SH3RF3: variants seen among roughly 807,000 people sequenced by gnomAD.
SH3RF3 encodes the protein E3 ubiquitin-protein ligase SH3RF3.
SH3RF3 carries 29 observed loss-of-function variants against 66.3 expected under a neutral mutation model. The observed-to-expected ratio is 0.44, with a 90% CI of 0.33 to 0.60. The LOEUF (loss-of-function observed/expected upper bound fraction) is 0.60, where lower values mean the gene tolerates loss of function less well. Ranked by LOEUF, SH3RF3 falls within the 20% of genes least tolerant of loss-of-function variation. The pLI is 0.04. For synonymous variants in SH3RF3, 583 were observed against 532.0 expected (o/e 1.10, Z -1.32); for missense variants, 1,194 against 1,190.9 (o/e 1.00, Z -0.04).
intron 4 of SH3RF3, among the ~76,000 whole-genome samples, chr2:109,400,959 T>C (rs900803355): frequency 1.3e-5 from 2 of 152,298 alleles, no homozygotes; most frequent in African/African-American, 4.8e-5. Flanking sequence ...CTGGGCTAAA[T>C]TCTTCTTGAG....
intron 1 of SH3RF3, among the ~76,000 whole-genome samples, chr2:109,174,188 A>T (rs1033421906): frequency 6.6e-6 from 1 of 152,262 alleles, no homozygotes; most frequent in African/African-American, 2.4e-5. Flanking sequence ...GAAGGTAGCC[A>T]TGGATGTCCC....
intron 1 of SH3RF3, among the ~76,000 whole-genome samples, chr2:109,339,967 C>A (rs1682521085): frequency 6.6e-6 from 1 of 152,162 alleles, no homozygotes; most frequent in Admixed American, 6.5e-5. Flanking sequence ...GCTGGTTGCC[C>A]AGTTACACGC....
chr2:109,454,275 A>G (rs921346704), intron 8 of SH3RF3, among the ~76,000 whole-genome samples: 45 of 152,304 alleles, frequency 3.0e-4, no homozygotes, highest in African/African-American at 1.1e-3. Context: ...CTACTATCCA[A>G]TCTGTATTCC....
chr2:109,249,578 TCC>T (rs1491138353), intron 1 of SH3RF3, among the ~76,000 whole-genome samples: 5,463 of 117,164 alleles, frequency 0.047, 412 homozygotes, highest in Admixed American at 0.072. Context: ...CTTCCTTCCT[TCC>T]TTCCTTTCCT....
intron 1 of SH3RF3, among the ~76,000 whole-genome samples, chr2:109,215,971 T>C (rs1679094753): frequency 6.6e-6 from 1 of 152,260 alleles, no homozygotes; most frequent in Non-Finnish European, 1.5e-5. Flanking sequence ...CCATGTCCCA[T>C]GGCTTGTTAA....
intron 8 of SH3RF3, among the ~76,000 whole-genome samples, chr2:109,464,878 G>A (rs13391003): frequency 0.017 from 2,583 of 152,206 alleles, 75 homozygotes; most frequent in African/African-American, 0.059. Context: ...AAAATCTATG[G>A]ATTTTGACAA....
At chr2:109,302,854 A>G (rs1198070575) in intron 1 of SH3RF3, among the ~76,000 whole-genome samples, 2 of 152,108 alleles carry the variant, frequency 1.3e-5, no homozygotes, top group Admixed American at 1.3e-4. Flanking sequence ...ATGAGATCAG[A>G]TTATCTGATC....
At chr2:109,477,544 AG>A (rs1678715728) in intron 8 of SH3RF3, among the ~76,000 whole-genome samples, 1 of 152,160 alleles carries the variant, frequency 6.6e-6, no homozygotes, top group African/African-American at 2.4e-5. Flanking sequence ...GGAAGAGGGC[AG>A]TTAAAGGGAC....
chr2:109,317,590 C>A (rs1161460653), intron 1 of SH3RF3, among the ~76,000 whole-genome samples: 1 of 152,146 alleles, frequency 6.6e-6, no homozygotes, highest in East Asian at 1.9e-4. Context: ...AGGTACAGAA[C>A]AGTCAAAGTC....
At chr2:109,475,306 C>T (rs1454372408) in intron 8 of SH3RF3, among the ~76,000 whole-genome samples, 1 of 152,230 alleles carries the variant, frequency 6.6e-6, no homozygotes, top group Non-Finnish European at 1.5e-5. Flanking sequence ...CCGAGGGCTA[C>T]AGGACTATTG....
intron 9 of SH3RF3, among the ~76,000 whole-genome samples, chr2:109,500,627 A>C (rs2104415952): frequency 6.6e-6 from 1 of 152,282 alleles, no homozygotes; most frequent in South Asian, 2.1e-4. Flanking sequence ...ACTGGGAAAA[A>C]AATCTTATGA....
rs924336043 is a variant in SH3RF3 at position 109,385,505 on chromosome 2, TAG to T, written c.946-13084_946-13083del. Among the ~76,000 whole-genome samples, 6 of 152,246 alleles carry T rather than the reference TAG, an allele frequency of 3.9e-5. 1 individual carries two copies. Among genetic ancestry groups the T allele is most frequent in the African/African-American group, 1.2e-4 (5 of 41,468 alleles). On this transcript the variant is annotated intron_variant, in intron 3 of 9. Transcript: ENST00000309415. ...TTGAAAATACAATTTGGAATAGTCT[TAG>T]GTTTCATTCGATGTGAAGGAAACAA...
At chr2:109,139,609 T>C (rs1558921006) in intron 1 of SH3RF3, among the ~76,000 whole-genome samples, 1 of 152,232 alleles carries the variant, frequency 6.6e-6, no homozygotes, top group Non-Finnish European at 1.5e-5. Flanking sequence ...GTATCTGCTG[T>C]CTCGGTTTGA....
At chr2:109,466,646 A>C (rs1398104460) in intron 8 of SH3RF3, among the ~76,000 whole-genome samples, 2 of 152,222 alleles carry the variant, frequency 1.3e-5, no homozygotes, top group Non-Finnish European at 2.9e-5. Context: ...AAAAGGCACC[A>C]CTAAGCCTAA....
intron 1 of SH3RF3, among the ~76,000 whole-genome samples, chr2:109,303,040 C>G (rs577010242): frequency 6.6e-6 from 1 of 152,268 alleles, no homozygotes; most frequent in South Asian, 2.1e-4. Flanking sequence ...CCATGCCCTA[C>G]TAATTTTGTA....
intron 1 of SH3RF3, among the ~76,000 whole-genome samples, chr2:109,241,684 C>T (rs1574523562): frequency 6.6e-6 from 1 of 152,130 alleles, no homozygotes; most frequent in Non-Finnish European, 1.5e-5. Context: ...TTCTCTCCCC[C>T]AGTCCCTGCA....
intron 1 of SH3RF3, among the ~76,000 whole-genome samples, chr2:109,334,475 C>T (rs1335683309): frequency 2.6e-5 from 4 of 151,934 alleles, no homozygotes; most frequent in Non-Finnish European, 2.9e-5. Context: ...CAGAACCCTG[C>T]GGACTTTCCT....
intron 8 of SH3RF3, among the ~76,000 whole-genome samples, chr2:109,471,732 C>A (rs909156391): frequency 1.3e-5 from 2 of 152,216 alleles, no homozygotes; most frequent in Non-Finnish European, 1.5e-5. Context: ...CTCAGCCTCA[C>A]ATACCTAATA....
chr2:109,358,578 T>C (rs1330681809), intron 2 of SH3RF3, among the ~76,000 whole-genome samples: 3 of 152,208 alleles, frequency 2.0e-5, no homozygotes, highest in Non-Finnish European at 2.9e-5. Context: ...TACACTGTCT[T>C]CTTTGGTGAA....
Sources: gnomAD v4.1 joint callset for allele counts (sites outside exome capture counted in the v4.1 genomes callset) on GRCh38, gnomAD v4.1.1 for gene constraint, MANE v1.5 for transcripts, NCBI Gene and HGNC (gene_info 2026-07-23, HGNC 2026-07-21) for gene names.